UNC79: variants seen among roughly 807,000 people sequenced by gnomAD.
The protein encoded by UNC79 is protein unc-79 homolog.
In UNC79, 37 loss-of-function variants were observed where a neutral mutation model predicts 283.1. The ratio of observed to expected loss-of-function variants is 0.13; its 90% CI spans 0.10 to 0.17. The LOEUF is 0.17. UNC79 is among the 10% of genes least tolerant of loss of function. The pLI is 1.00. For missense variants in UNC79, 2,272 were observed against 3,211.1 expected (o/e 0.71, Z 7.07); for synonymous variants, 1,107 against 1,200.2 (o/e 0.92, Z 1.61).
exon 30 of UNC79, chr14:93,622,426 G>C (rs767560141): frequency 6.2e-7 from 1 of 1,614,050 alleles, no homozygotes; most frequent in African/African-American, 1.3e-5. Flanking sequence ...AGCCAGAGGA[G>C]CTGCCAGAGT....
At chr14:93,516,701 G>C (rs2060080273) in intron 7 of UNC79, among the ~76,000 whole-genome samples, 1 of 152,036 alleles carries the variant, frequency 6.6e-6, no homozygotes, top group Non-Finnish European at 1.5e-5. Context: ...GCCTGCCTCA[G>C]CCTCCCAAAG....
chr14:93,392,281 A>G (rs747418880), intron 1 of UNC79, among the ~76,000 whole-genome samples: 1 of 152,230 alleles, frequency 6.6e-6, no homozygotes, highest in Admixed American at 6.5e-5. Flanking sequence ...TAACAACATG[A>G]TGAATTTCAG....
intron 1 of UNC79, chr14:93,347,383 C>T (rs754614613): frequency 1.7e-5 from 27 of 1,545,734 alleles, no homozygotes; most frequent in East Asian, 2.4e-5. Flanking sequence ...CCAGCGGCCC[C>T]TGTCTGCCGC....
intron 1 of UNC79, among the ~76,000 whole-genome samples, chr14:93,367,539 C>T (rs2054360580): frequency 6.6e-6 from 1 of 151,852 alleles, no homozygotes; most frequent in Non-Finnish European, 1.5e-5. Context: ...GGATATTTTC[C>T]AAACCATTAG....
At chr14:93,693,460 G>A (rs1174173478) in intron 46 of UNC79, among the ~76,000 whole-genome samples, 1 of 152,176 alleles carries the variant, frequency 6.6e-6, no homozygotes, top group African/African-American at 2.4e-5. Flanking sequence ...TTATGCAAAT[G>A]ATATTACAAA....
intron 30 of UNC79, among the ~76,000 whole-genome samples, chr14:93,629,311 G>A (rs996366341): frequency 3.3e-5 from 5 of 152,150 alleles, no homozygotes; most frequent in Non-Finnish European, 1.5e-5. Context: ...AACATTATTG[G>A]TGAGATTATT....
chr14:93,459,169 T>C (rs140773152), intron 1 of UNC79, among the ~76,000 whole-genome samples: 98 of 152,262 alleles, frequency 6.4e-4, no homozygotes, highest in African/African-American at 2.3e-3. Flanking sequence ...TTTTTGTATT[T>C]TTAGTAGAGA....
chr14:93,643,482 C>T (rs1400951846), intron 33 of UNC79, 75 bp from the exon 37 acceptor site: 2 of 1,607,168 alleles, frequency 1.2e-6, no homozygotes, highest in Non-Finnish European at 1.7e-6. Context: ...TAAAAACAGC[C>T]GTGTGTGTAG....
At chr14:93,513,242 A>G (rs2059913276) in intron 7 of UNC79, among the ~76,000 whole-genome samples, 1 of 128,456 alleles carries the variant, frequency 7.8e-6, no homozygotes, top group Admixed American at 9.3e-5. Context: ...TTCCTTCCTA[A>G]CATGGTCTCA....
chr14:93,400,590 T>C (rs2140027163), intron 1 of UNC79, among the ~76,000 whole-genome samples: 1 of 152,084 alleles, frequency 6.6e-6, no homozygotes, highest in African/African-American at 2.4e-5. Context: ...AAGGCAGAAA[T>C]GTAGGGAAGG....
intron 1 of UNC79, among the ~76,000 whole-genome samples, chr14:93,451,998 G>C (rs980346910): frequency 3.3e-5 from 5 of 152,184 alleles, no homozygotes; most frequent in African/African-American, 1.2e-4. Context: ...AGTTGTGTAT[G>C]TTTTAGATGA....
chr14:93,347,510 T>C (rs1488310708), intron 1 of UNC79: 5 of 1,231,284 alleles, frequency 4.1e-6, no homozygotes, highest in Non-Finnish European at 5.3e-6. Flanking sequence ...GAGGCTCTTG[T>C]GGCTTGGTCG....
intron 7 of UNC79, among the ~76,000 whole-genome samples, chr14:93,521,009 G>A (rs529411967): frequency 1.3e-5 from 2 of 152,046 alleles, no homozygotes; most frequent in African/African-American, 2.4e-5. Flanking sequence ...TCTGAATTTT[G>A]CTGTCTTCCA....
At chr14:93,485,353 C>T (rs1483827818) in intron 4 of UNC79, among the ~76,000 whole-genome samples, 1 of 151,778 alleles carries the variant, frequency 6.6e-6, no homozygotes, top group African/African-American at 2.4e-5. Context: ...TGCACCTGGA[C>T]ACCTTACTGG....
At chr14:93,657,317 A>G (rs896998738) in intron 38 of UNC79, among the ~76,000 whole-genome samples, 11 of 152,086 alleles carry the variant, frequency 7.2e-5, no homozygotes, top group Middle Eastern at 3.4e-3. Context: ...AGAGCCGCAC[A>G]GGCTAAGAGA....
chr14:93,362,820 TTGG>T (rs1305340152), intron 1 of UNC79, among the ~76,000 whole-genome samples: 2 of 152,160 alleles, frequency 1.3e-5, no homozygotes, highest in Non-Finnish European at 2.9e-5. Context: ...TTTCTTTGAG[TTGG>T]TGGTGGTGTC....
rs74810927 is a variant in UNC79, at chr14:93,690,162, C to T, written c.7131C>T (p.Ser2377=). The change falls in exon 45 of 49, where the codon TCC becomes TCT. Residue 2377 remains serine, a synonymous_variant. Transcript: ENST00000555664. This position sits in a 1 kb window ranked among gnomAD's most constrained non-coding sequence, Gnocchi z 4.3. ...GTGTCTCCCATATCCGACTGTTGTC[C>T]TGGCTGCTGCTGGGTTCCCTCACTC... 1.2e-6 allele frequency: 2 copies of T among 1,614,134 alleles called. No individual in the cohort carries two copies. The highest frequency in any genetic ancestry group is 1.7e-6 in the Non-Finnish European group (2 of 1,180,030).
intron 1 of UNC79, among the ~76,000 whole-genome samples, chr14:93,418,756 C>T (rs1027116686): frequency 2.0e-5 from 3 of 151,948 alleles, no homozygotes; most frequent in African/African-American, 7.2e-5. Context: ...CTCGCTGCCG[C>T]CTTGCAGTTT....
chr14:93,665,267 A>G (rs2072060515), intron 40 of UNC79, among the ~76,000 whole-genome samples: 1 of 151,232 alleles, frequency 6.6e-6, no homozygotes, highest in South Asian at 2.1e-4. Flanking sequence ...ACAAAGTAGA[A>G]ATTCTAGAAA....
Sources: allele counts gnomAD v4.1 joint callset (sites outside exome capture counted in the v4.1 genomes callset), GRCh38; gene constraint gnomAD v4.1.1; non-coding constraint Gnocchi (gnomAD v3.1); transcripts MANE v1.5; gene names NCBI Gene and HGNC (gene_info 2026-07-23, HGNC 2026-07-21).